Variants in VEPH1 observed in about 807,000 individuals in gnomAD.
VEPH1 encodes the protein ventricular zone-expressed PH domain-containing protein homolog 1.
A neutral mutation model predicts 85.2 loss-of-function variants in VEPH1; 80 were observed. The observed-to-expected ratio is 0.94, with a 90% CI of 0.78 to 1.13. The LOEUF is 1.13. Ranked by LOEUF, VEPH1 falls within the 50% of genes most tolerant of loss-of-function variation. The pLI is 0.00. For missense variants in VEPH1, 955 were observed against 980.5 expected, an observed-to-expected ratio of 0.97 and a Z score of 0.35; for synonymous variants, 297 against 348.0, an observed-to-expected ratio of 0.85 and a Z score of 1.63.
intron 4 of VEPH1, among the ~76,000 whole-genome samples, chr3:157,450,048 C>CTTTTTTTTTTTTTTTT (rs761761440): frequency 6.5e-5 from 5 of 77,320 alleles, no homozygotes; most frequent in African/African-American, 2.4e-4. Flanking sequence ...AGAATATTTA[C>CTTTTTTTTTTTTTTTT]TTTTTTTTTT....
At chr3:157,308,607 A>G (rs1166874757) in intron 11 of VEPH1, among the ~76,000 whole-genome samples, 1 of 152,016 alleles carries the variant, frequency 6.6e-6, no homozygotes, top group Non-Finnish European at 1.5e-5. Context: ...AGTCTCACCT[A>G]TTTATCCTTC....
chr3:157,286,826 C>T, intron 11 of VEPH1, 152 bp from the exon 12 acceptor site: 1 of 651,648 alleles, frequency 1.5e-6, no homozygotes, highest in East Asian at 2.7e-5. Flanking sequence ...TTTCTCTTGG[C>T]CAACCTTAAA....
intron 4 of VEPH1, among the ~76,000 whole-genome samples, chr3:157,434,860 T>C (rs1408607176): frequency 6.6e-6 from 1 of 152,208 alleles, no homozygotes; most frequent in Non-Finnish European, 1.5e-5. Context: ...CTTAAACTTA[T>C]AACAAATATT....
At chr3:157,457,138 C>A (rs2316348) in intron 4 of VEPH1, among the ~76,000 whole-genome samples, 27,107 of 151,988 alleles carry the variant, frequency 0.18, 2,920 homozygotes, top group East Asian at 0.38. Flanking sequence ...GTGTGTGTGG[C>A]ACTTGTAAAT....
chr3:157,273,776 T>C (rs2321741), intron 12 of VEPH1, among the ~76,000 whole-genome samples: 8,331 of 152,300 alleles, frequency 0.055, 670 homozygotes, highest in African/African-American at 0.18. Flanking sequence ...AGACCTCTTT[T>C]ATTTCAAGAG....
intron 2 of VEPH1, among the ~76,000 whole-genome samples, chr3:157,494,104 G>GT (rs544809653): frequency 2.0e-5 from 3 of 152,266 alleles, no homozygotes; most frequent in African/African-American, 7.2e-5. Context: ...GAAAAGAAGA[G>GT]TTTTTTGAGC....
At chr3:157,287,286 G>T (rs1324635461) in intron 11 of VEPH1, among the ~76,000 whole-genome samples, 1 of 152,084 alleles carries the variant, frequency 6.6e-6, no homozygotes, top group African/African-American at 2.4e-5. Context: ...GAGGTGAGAG[G>T]ATCGCTTGAG....
At chr3:157,401,618 C>T (rs73156789) in intron 6 of VEPH1, among the ~76,000 whole-genome samples, 12,828 of 151,992 alleles carry the variant, frequency 0.084, 775 homozygotes, top group African/African-American at 0.17. Context: ...TAAACCTTGC[C>T]TTGGATTGGT....
chr3:157,356,191 C>CG (rs1725408991), intron 9 of VEPH1, among the ~76,000 whole-genome samples: 1 of 151,766 alleles, frequency 6.6e-6, no homozygotes, highest in Admixed American at 6.6e-5. Context: ...GCCACCACAC[C>CG]GGGCCAACTG....
At chr3:157,461,038 T>C (rs1171226907) in intron 3 of VEPH1, among the ~76,000 whole-genome samples, 1 of 152,186 alleles carries the variant, frequency 6.6e-6, no homozygotes, top group African/African-American at 2.4e-5. Flanking sequence ...TTTTTGCCTA[T>C]ATCTATCTTA....
At chr3:157,346,645 T>A (rs138513762) in intron 9 of VEPH1, among the ~76,000 whole-genome samples, 1,536 of 152,288 alleles carry the variant, frequency 0.01, 11 homozygotes, top group Non-Finnish European at 0.017. Flanking sequence ...TCTCACTTCA[T>A]TGCCCAGGCT....
intron 7 of VEPH1, among the ~76,000 whole-genome samples, chr3:157,380,873 CT>C (rs1728680169): frequency 6.6e-6 from 1 of 152,188 alleles, no homozygotes; most frequent in Non-Finnish European, 1.5e-5. Flanking sequence ...AAATTGTTAA[CT>C]GCTTGTTGAG....
At chr3:157,317,954 A>G (rs1005543082) in intron 9 of VEPH1, among the ~76,000 whole-genome samples, 38 of 152,350 alleles carry the variant, frequency 2.5e-4, no homozygotes, top group Middle Eastern at 3.4e-3. Context: ...ATTTTACCCT[A>G]CAAGATGGGT....
chr3:157,310,249 T>C lies in VEPH1; in HGVS notation c.2010+3372A>G, dbSNP rs111468043. Among the ~76,000 whole-genome samples, 449 of 152,354 alleles carry C rather than the reference T, an allele frequency of 2.9e-3. 2 individuals carry two copies. The highest frequency in any genetic ancestry group is 5.5e-3 in the Non-Finnish European group (371 of 68,028). On this transcript the variant is annotated intron_variant, in intron 11 of 13. Coordinates refer to ENST00000362010, the MANE Select transcript of VEPH1 (RefSeq NM_001167912.2). ...TCCACTCTCAACCTCCCTTAATGTA[T>C]GTAAGACGGGTTTGAATTTGTGTTA...
At chr3:157,350,174 T>C (rs1219500452) in intron 9 of VEPH1, among the ~76,000 whole-genome samples, 3 of 152,166 alleles carry the variant, frequency 2.0e-5, no homozygotes, top group East Asian at 3.8e-4. Flanking sequence ...AACAGACACG[T>C]AGACCAATGG....
At chr3:157,471,803 C>A (rs1031348859) in intron 2 of VEPH1, among the ~76,000 whole-genome samples, 1 of 151,216 alleles carries the variant, frequency 6.6e-6, no homozygotes, top group Non-Finnish European at 1.5e-5. Flanking sequence ...AAATATATCT[C>A]TACGTTTCAT....
chr3:157,456,437 A>G (rs1467540751), intron 4 of VEPH1, among the ~76,000 whole-genome samples: 1 of 152,014 alleles, frequency 6.6e-6, no homozygotes, highest in African/African-American at 2.4e-5. Context: ...TCTTCATGAA[A>G]TTTTTGCACA....
At chr3:157,366,075 G>A (rs1444928711) in intron 7 of VEPH1, among the ~76,000 whole-genome samples, 2 of 152,062 alleles carry the variant, frequency 1.3e-5, no homozygotes, top group African/African-American at 4.8e-5. Flanking sequence ...AAATCTAGGG[G>A]TCCCTGCCAA....
intron 5 of VEPH1, among the ~76,000 whole-genome samples, chr3:157,416,563 C>T (rs1731928789): frequency 6.6e-6 from 1 of 152,166 alleles, no homozygotes; most frequent in Admixed American, 6.6e-5. Context: ...AAAATGCTTG[C>T]ACATTTCCTG....
Sources: allele counts gnomAD v4.1 joint callset (sites outside exome capture counted in the v4.1 genomes callset), GRCh38; gene constraint gnomAD v4.1.1; transcripts MANE v1.5; gene names NCBI Gene and HGNC (gene_info 2026-07-23, HGNC 2026-07-21).